IFT88: variants seen among roughly 807,000 people sequenced by gnomAD.
IFT88 encodes intraflagellar transport protein 88 homolog.
IFT88 carries 74 observed loss-of-function variants against 119.5 expected under a neutral mutation model. The ratio of observed to expected loss-of-function variants is 0.62; its 90% CI spans 0.51 to 0.75. The LOEUF (loss-of-function observed/expected upper bound fraction) is 0.75, where lower values mean the gene tolerates loss of function less well. IFT88 is among the 30% of genes least tolerant of loss of function. IFT88 has a pLI of 0.00. For missense variants in IFT88, 961 were observed against 977.7 expected (o/e 0.98, Z 0.23); for synonymous variants, 279 against 316.7 (o/e 0.88, Z 1.26).
In IFT88 at chr13:20,617,847, G is replaced by A. The variant is rs542520913; in HGVS notation, c.1199+1968G>A. Among the ~76,000 whole-genome samples, 21 of 152,220 alleles carry A rather than the reference G, an allele frequency of 1.4e-4. No homozygotes were observed. The East Asian group carries it at 2.3e-3, about 17-fold the overall frequency. Reference sequence around the variant, plus strand: ...CTCACTCTGTCAACCAGGCTGGAGCGCAGTAGTGTGATCTCGGCTCACTGC... The same window carrying A: ...CTCACTCTGTCAACCAGGCTGGAGCACAGTAGTGTGATCTCGGCTCACTGC... On this transcript the variant is annotated intron_variant, in intron 14 of 25. Transcript: ENST00000351808.
intron 7 of IFT88, among the ~76,000 whole-genome samples, chr13:20,594,115 A>G (rs1190048492): frequency 1.3e-5 from 2 of 152,036 alleles, no homozygotes; most frequent in Non-Finnish European, 2.9e-5. Flanking sequence ...ATTATCTCAC[A>G]TAATAGGAAG....
intron 17 of IFT88, 122 bp from the exon 18 acceptor site, chr13:20,641,168 C>G (rs1485871577): frequency 4.8e-6 from 3 of 630,658 alleles, no homozygotes; most frequent in Non-Finnish European, 7.8e-6. Flanking sequence ...AACCTGAGTT[C>G]ATCTTCATTT....
chr13:20,621,342 C>T (rs1287472731), intron 14 of IFT88, among the ~76,000 whole-genome samples: 1 of 152,126 alleles, frequency 6.6e-6, no homozygotes, highest in Non-Finnish European at 1.5e-5. Flanking sequence ...ACTGGGATTA[C>T]AGGCGTGAGC....
chr13:20,662,278 C>T (rs551510213), intron 22 of IFT88, among the ~76,000 whole-genome samples: 49 of 151,378 alleles, frequency 3.2e-4, no homozygotes, highest in Non-Finnish European at 6.5e-4. Flanking sequence ...GGAATAGCAT[C>T]AACATCAACA....
At chr13:20,574,889 T>C (rs2037075309) in intron 2 of IFT88, among the ~76,000 whole-genome samples, 1 of 152,222 alleles carries the variant, frequency 6.6e-6, no homozygotes. Context: ...GATACAGGCA[T>C]ACAATGTGTA....
intron 3 of IFT88, among the ~76,000 whole-genome samples, chr13:20,587,740 G>A (rs2039948309): frequency 6.6e-6 from 1 of 151,900 alleles, no homozygotes; most frequent in Admixed American, 6.6e-5. Flanking sequence ...AATGCTTTTT[G>A]TCTGTTTGTA....
chr13:20,582,390 G>T (rs2038866202), intron 2 of IFT88, among the ~76,000 whole-genome samples: 1 of 152,078 alleles, frequency 6.6e-6, no homozygotes. Context: ...GTGCAGGTTG[G>T]ACTTGTTGAG....
At chr13:20,583,776 G>A (rs4558260) in intron 3 of IFT88, among the ~76,000 whole-genome samples, 6 of 151,970 alleles carry the variant, frequency 3.9e-5, no homozygotes, top group African/African-American at 1.5e-4. Flanking sequence ...ACCTTTAGAT[G>A]TTTAATCCAT....
intron 3 of IFT88, among the ~76,000 whole-genome samples, chr13:20,586,720 C>T (rs765206284): frequency 6.6e-6 from 1 of 152,254 alleles, no homozygotes; most frequent in Non-Finnish European, 1.5e-5. Flanking sequence ...GACCCATATC[C>T]TTCCTTTTCA....
chr13:20,580,508 ACAACAGAG>A lies in IFT88; in HGVS notation c.91-2445_91-2438del, dbSNP rs2038361961. On this transcript the variant is annotated intron_variant, in intron 2 of 25. Coordinates refer to ENST00000351808, the MANE Select transcript of IFT88 (RefSeq NM_006531.5). The stretch of plus-strand genomic sequence containing the variant: ...CAATGAGCCAAGATCACGCCATTGC[ACAACAGAG>A]CAAGAGTCCCTCTCAAAAAAAATAA... 2.0e-5 allele frequency among the ~76,000 whole-genome samples: 3 copies of A among 152,296 alleles called. No individual in the cohort carries two copies. The South Asian group carries it at 6.2e-4, about 32-fold the overall frequency.
chr13:20,671,006 T>C lies in IFT88; in HGVS notation c.2209T>C (p.Ser737Pro). Residue 737 changes from serine to proline, a missense_variant, in exon 24 of 26, where the codon TCC (serine) becomes CCC (proline). Coordinates refer to ENST00000351808, the MANE Select transcript of IFT88 (RefSeq NM_006531.5). The part of the protein sequence containing the change: ...IKSGRDGSGG[S>P]RGKREGSASG... ...GTCAGGCAGAGATGGCAGTGGGGGC[T>C]CCCGTGGCAAAAGAGAAGGAAGTGC... The C allele has an allele frequency of 6.2e-7, 1 of 1,614,058 alleles. No individual in the cohort carries two copies. The highest frequency in any genetic ancestry group is 8.5e-7 in the Non-Finnish European group (1 of 1,179,952).
chr13:20,649,763 CAAA>C, intron 20 of IFT88, among the ~76,000 whole-genome samples: 1 of 151,204 alleles, frequency 6.6e-6, no homozygotes, highest in Non-Finnish European at 1.5e-5. Context: ...GAAGGACTAA[CAAA>C]AAAAAGAGGA....
intron 22 of IFT88, among the ~76,000 whole-genome samples, chr13:20,657,329 A>G (rs2053001975): frequency 1.3e-5 from 2 of 152,228 alleles, no homozygotes; most frequent in South Asian, 2.1e-4. Flanking sequence ...AACAAAATCA[A>G]GAAAAACATA....
chr13:20,657,391 C>T (rs1246747416), intron 22 of IFT88, among the ~76,000 whole-genome samples: 1 of 152,090 alleles, frequency 6.6e-6, no homozygotes, highest in Non-Finnish European at 1.5e-5. Context: ...AAATTTGTCC[C>T]TGAATAGCCT....
chr13:20,676,843 TACATATATATGCATACAC>T (rs2056729381), intron 24 of IFT88, among the ~76,000 whole-genome samples: 1 of 152,220 alleles, frequency 6.6e-6, no homozygotes, highest in Non-Finnish European at 1.5e-5. Context: ...TGCACATACA[TACATATATATGCATACAC>T]ACATATATAT....
At chr13:20,678,007 G>T (rs767951883) in intron 24 of IFT88, among the ~76,000 whole-genome samples, 6 of 152,202 alleles carry the variant, frequency 3.9e-5, no homozygotes, top group Non-Finnish European at 7.3e-5. Flanking sequence ...GTTGAAAAAT[G>T]ATTATATACG....
rs185899974 is a variant in IFT88, at chr13:20,606,430, C to T, written c.1112+1325C>T. On this transcript the variant is annotated intron_variant, in intron 13 of 25. Coordinates refer to ENST00000351808, the MANE Select transcript of IFT88 (RefSeq NM_006531.5). ...CCCCTCTGCCTATTCTGGGTGTCAACGGAGGCCATGTGGCAGGGGCTGGAT... is the reference window on the plus strand; with the variant it reads ...CCCCTCTGCCTATTCTGGGTGTCAATGGAGGCCATGTGGCAGGGGCTGGAT... 4.7e-4 allele frequency among the ~76,000 whole-genome samples: 71 copies of T among 152,278 alleles called. 1 individual carries two copies. Among genetic ancestry groups the T allele is most frequent in the African/African-American group, 1.6e-3 (68 of 41,572 alleles).
At position 20,611,896 on chromosome 13, in the gene IFT88, G is replaced by A. The variant is rs2044615048; in HGVS notation, c.1113-3897G>A. 2.0e-5 allele frequency among the ~76,000 whole-genome samples: 3 copies of A among 152,134 alleles called. No individual in the cohort carries two copies. In the South Asian group the frequency reaches 6.2e-4, roughly 32 times the overall value. ...GCTGGGATTACAGGCATGAGCCACCGCACCCGGCCCACTTTCACCAGTTCT... is the reference window on the plus strand; with the variant it reads ...GCTGGGATTACAGGCATGAGCCACCACACCCGGCCCACTTTCACCAGTTCT... On this transcript the variant is annotated intron_variant, in intron 13 of 25. Coordinates refer to ENST00000351808, the MANE Select transcript of IFT88 (RefSeq NM_006531.5).
chr13:20,631,107 G>T lies in IFT88; in HGVS notation c.1386+5G>T. Reference sequence around the variant, plus strand: ...CTCTCAGCCCTGTATTATATGGTAAGTTTTTTTACTACTAAGAGTTAATCA... The same window carrying T: ...CTCTCAGCCCTGTATTATATGGTAATTTTTTTTACTACTAAGAGTTAATCA... On this transcript the variant is annotated splice_donor_5th_base_variant and intron_variant, in intron 16 of 25. Transcript: ENST00000351808. The T allele has an allele frequency of 6.5e-7, 1 of 1,546,772 alleles. No individual in the cohort carries two copies. Among genetic ancestry groups the T allele is most frequent in the Non-Finnish European group, 8.9e-7 (1 of 1,118,586 alleles).
Sources: allele counts gnomAD v4.1 joint callset (sites outside exome capture counted in the v4.1 genomes callset), GRCh38; gene constraint gnomAD v4.1.1; transcripts MANE v1.5; gene names NCBI Gene and HGNC (gene_info 2026-07-23, HGNC 2026-07-21).